The following SCRIB variants were observed in gnomAD, a reference collection of about 807,000 sequenced individuals.
SCRIB encodes the protein scribble planar cell polarity protein, also known as protein scribble homolog.
SCRIB carries 72 observed loss-of-function variants against 170.0 expected under a neutral mutation model. That is an observed-to-expected ratio of 0.42 (90% CI 0.35 to 0.52). The LOEUF is 0.52. Among genes scored for constraint, SCRIB ranks in the 20% least tolerant of loss-of-function variants. SCRIB has a pLI of 0.02. For missense variants in SCRIB, 2,475 were observed against 2,338.5 expected (o/e 1.06, Z -1.20); for synonymous variants, 1,298 against 1,044.3 (o/e 1.24, Z -4.68).
At chr8:143,798,375 A>C (rs959951132) in intron 24 of SCRIB, among the ~76,000 whole-genome samples, 22 of 152,138 alleles carry the variant, frequency 1.4e-4, no homozygotes, top group Admixed American at 7.2e-4. Context: ...CTGAGAACAC[A>C]GGATGCGGAC....
In SCRIB at chr8:143,804,750, C is replaced by T. The variant is rs149912810; in HGVS notation, c.2827G>A (p.Ala943Thr). ...CCAGCCTCCCGCTCCAACAGCAGGG[C>T]GATGGTGGGGGAGGCAGCGGTCAGC... ...SLLTAASPTI[A>T]LLLEREAGGP... The change falls in exon 21 of 37, where the codon GCC (alanine) becomes ACC (threonine). Residue 943 changes from alanine to threonine, a missense_variant. By Grantham distance (58) the Ala-to-Thr change is moderately conservative (BLOSUM62 0). Around this residue, in one of 3 missense-constraint regions of SCRIB, gnomAD observed 1,966 missense variants for 1,742.9 expected, o/e 1.13. Transcript: ENST00000356994. 1.4e-5 allele frequency: 22 copies of T among 1,603,000 alleles called. No individual in the cohort carries two copies. The highest frequency in any genetic ancestry group is 1.7e-5 in the Admixed American group (1 of 59,160).
Position 143,795,319 on chromosome 8 carries a change from A to T in SCRIB, c.3729T>A (p.Pro1243=). 6.2e-7 allele frequency: 1 copy of T among 1,612,762 alleles called. No individual in the cohort carries two copies. The highest frequency in any genetic ancestry group is 8.5e-7 in the Non-Finnish European group (1 of 1,179,868). Reference sequence around the variant, plus strand: ...CGGGCCCCCAGTGCAGGGTCTGTCCAGGCAGCTCCTTCTCCTGTGAGCAGA... The same window carrying T: ...CGGGCCCCCAGTGCAGGGTCTGTCCTGGCAGCTCCTTCTCCTGTGAGCAGA... ...PEGPGKEKEL[P]GQTLHWGPEA... The change falls in exon 26 of 37, where the codon CCT becomes CCA. Residue 1243 remains proline, a synonymous_variant. Transcript: ENST00000356994.
Position 143,805,327 on chromosome 8 carries a change from G to C in SCRIB, c.2455C>G (p.Pro819Ala). ...MRVWRERMVEPENAVTITPLR... is the reference protein window; with the variant it reads ...MRVWRERMVEAENAVTITPLR... ...GGCGTGATGGTGACCGCGTTCTCAG[G>C]CTCCACCATGCGCTCCCGCCACACT... is the stretch of plus-strand genomic sequence containing the variant. Residue 819 changes from proline (P) to alanine (A), a missense_variant, in exon 19 of 37, where the codon CCT becomes GCT. By Grantham distance (27) the Pro-to-Ala change is conservative. Coordinates refer to ENST00000356994, the MANE Select transcript of SCRIB (RefSeq NM_182706.5). The C allele has an allele frequency of 6.5e-7, 1 of 1,543,632 alleles. No individual in the cohort carries two copies. The highest frequency in any genetic ancestry group is 8.7e-7 in the Non-Finnish European group (1 of 1,150,254).
intron 9 of SCRIB, 128 bp from the exon 10 acceptor site, chr8:143,811,473 G>A (rs542380687): frequency 8.9e-6 from 7 of 789,670 alleles, no homozygotes; most frequent in Non-Finnish European, 1.4e-5. Flanking sequence ...AGCCCCTGGA[G>A]ACCGGGACAA....
chr8:143,811,999 T>C (rs1035338091), intron 9 of SCRIB, among the ~76,000 whole-genome samples: 2 of 152,116 alleles, frequency 1.3e-5, no homozygotes, highest in Non-Finnish European at 2.9e-5. Flanking sequence ...GCCTCTTCTG[T>C]AACCGCTCCC....
In SCRIB at chr8:143,791,998, A is replaced by AGGGGTGGGCGAC. The variant is rs781865703; in HGVS notation, c.4638_4649dup (p.Ser1547_Pro1550dup). The AGGGGTGGGCGAC allele has an allele frequency of 6.9e-6, 9 of 1,307,008 alleles. No individual in the cohort carries two copies. Among genetic ancestry groups the AGGGGTGGGCGAC allele is most frequent in the Non-Finnish European group, 9.2e-6 (9 of 974,414 alleles). The allele number at this position is 1,307,008 out of a possible 1,614,324, so 81.0% of individuals were successfully genotyped here. ...CTGCCCTGACCCACAGACCTTCCAC[A>AGGGGTGGGCGAC]GGGGTGGGCGACGGGGTGGGCGCAG... is the stretch of plus-strand genomic sequence containing the variant. On this transcript the variant is annotated inframe_insertion, in exon 33 of 37. Coordinates refer to ENST00000356994, the MANE Select transcript of SCRIB (RefSeq NM_182706.5).
intron 1 of SCRIB, among the ~76,000 whole-genome samples, chr8:143,814,432 C>T (rs1488715091): frequency 6.6e-6 from 1 of 152,182 alleles, no homozygotes; most frequent in Non-Finnish European, 1.5e-5. Context: ...GCCCCTGAAC[C>T]ACTTCTGCCA....
At chr8:143,801,380 G>A (rs569124927) in intron 24 of SCRIB, among the ~76,000 whole-genome samples, 1 of 152,322 alleles carries the variant, frequency 6.6e-6, no homozygotes, top group East Asian at 1.9e-4. Context: ...GGAGCTATGT[G>A]TTGTTTAAAC....
chr8:143,793,345 A>G (rs1814793447), intron 28 of SCRIB: 6 of 397,056 alleles, frequency 1.5e-5, no homozygotes, highest in Admixed American at 4.3e-5. Context: ...TTTTGTCTAA[A>G]AAAGGCAGGT....
In SCRIB at chr8:143,810,928, G is replaced by C. The variant is rs1344101145; in HGVS notation, c.1251C>G (p.Pro417=). 1 of 1,611,750 alleles carries C rather than the reference G, an allele frequency of 6.2e-7. No individual in the cohort carries two copies. Residue 417 remains proline, a synonymous_variant, in exon 11 of 37, where the codon CCC becomes CCG. Transcript: ENST00000356994. ...GEKVLTCYLL[P]QQPPPSLEDA... ...TACCGAGGCTGGGTGGGGGCTGCTG[G>C]GGCAGCAAGTAGCAGGTGAGCACCT...
rs371364075 is a variant in SCRIB, at chr8:143,804,065, G to A, written c.3101C>T (p.Pro1034Leu). The A allele has an allele frequency of 1.1e-5, 17 of 1,611,430 alleles. No individual in the cohort carries two copies. In the East Asian group the frequency reaches 1.3e-4, roughly 13 times the overall value. Residue 1034 changes from proline to leucine, a missense_variant, in exon 22 of 37, where the codon CCT (proline) becomes CTT (leucine). Pro to Leu is a moderately conservative substitution (Grantham distance 98, BLOSUM62 -3). This residue lies in a region of SCRIB where 1,966 missense variants were observed against 1,742.9 expected (regional missense o/e 1.13). Coordinates refer to ENST00000356994, the MANE Select transcript of SCRIB (RefSeq NM_182706.5). ...HSSHPFGVQE[P>L]GVFISKVLPR... ...CCCTACCTTGGAGATGAACACACCAGGCTCCTGGACACCAAACGGGTGGCT... is the reference window on the plus strand; with the variant it reads ...CCCTACCTTGGAGATGAACACACCAAGCTCCTGGACACCAAACGGGTGGCT...
Position 143,795,429 on chromosome 8 carries a change from G to A in SCRIB, c.3705C>T (p.Gly1235=). Residue 1235 remains glycine, a synonymous_variant, in exon 25 of 37, where the codon GGC becomes GGT. Coordinates refer to ENST00000356994, the MANE Select transcript of SCRIB (RefSeq NM_182706.5). ...SSIDRELSPE[G]PGKEKELPGQ... Reference sequence around the variant, plus strand: ...TGCAGGCACCTCTGACCTTGCCTGGGCCCTCAGGGCTCAGCTCCCGGTCGA... The same window carrying A: ...TGCAGGCACCTCTGACCTTGCCTGGACCCTCAGGGCTCAGCTCCCGGTCGA... 1 of 1,613,044 alleles carries A rather than the reference G, an allele frequency of 6.2e-7. No individual in the cohort carries two copies. The highest frequency in any genetic ancestry group is 8.5e-7 in the Non-Finnish European group (1 of 1,179,732).
At position 143,795,131 on chromosome 8, in the gene SCRIB, C is replaced by A. The variant is rs781790670; in HGVS notation, c.3772-19G>T. On this transcript the variant is annotated intron_variant, in intron 26 of 36. Coordinates refer to ENST00000356994, the MANE Select transcript of SCRIB (RefSeq NM_182706.5). ...CCCGACCCTGGGGGCAGAGTGAACA[C>A]AGCACTAGCAGGGGTAGCTCCGTGG... is the stretch of plus-strand genomic sequence containing the variant. 3.1e-6 allele frequency: 5 copies of A among 1,608,646 alleles called. No individual in the cohort carries two copies. In the Admixed American group the frequency reaches 8.4e-5, roughly 27 times the overall value.
In SCRIB at chr8:143,812,402, G is replaced by T; in HGVS notation, c.788-18C>A. ...CAGCTGACCTGGCGTCGGGGAGACA[G>T]GGGGACAAGGCTGAGCATGGTCCCC... On this transcript the variant is annotated intron_variant, in intron 8 of 36. Transcript: ENST00000356994. The T allele has an allele frequency of 6.4e-7, 1 of 1,568,752 alleles. No individual in the cohort carries two copies. Among genetic ancestry groups the T allele is most frequent in the Non-Finnish European group, 8.8e-7 (1 of 1,139,196 alleles).
At chr8:143,797,697 C>A (rs942641914) in intron 24 of SCRIB, among the ~76,000 whole-genome samples, 14 of 152,206 alleles carry the variant, frequency 9.2e-5, no homozygotes, top group Non-Finnish European at 1.8e-4. Context: ...TCAGACCCAG[C>A]GTGGGGGCAG....
At position 143,803,945 on chromosome 8, in the gene SCRIB, CAGGG is replaced by C; in HGVS notation, c.3121-9_3121-6del. The C allele has an allele frequency of 1.3e-6, 2 of 1,576,442 alleles. No homozygotes were observed. The highest frequency in any genetic ancestry group is 8.6e-7 in the Non-Finnish European group (1 of 1,159,538). The stretch of plus-strand genomic sequence containing the variant: ...GGCCAGGCCCCGCGGGAGCACCTGT[CAGGG>C]AGGAGGGTGGCAGCTGGTGGCTGAG... On this transcript the variant is annotated splice_polypyrimidine_tract_variant and splice_region_variant and intron_variant, in intron 22 of 36. Coordinates refer to ENST00000356994, the MANE Select transcript of SCRIB (RefSeq NM_182706.5).
At chr8:143,806,596 G>A in intron 17 of SCRIB, 112 bp from the exon 18 acceptor site, 2 of 851,938 alleles carry the variant, frequency 2.3e-6, no homozygotes, top group Non-Finnish European at 1.9e-6. Context: ...CCTAGCCCTG[G>A]CCAGCAGGAG....
At chr8:143,791,961 GA>G (rs1820118575) in intron 33 of SCRIB, 29 bp downstream of exon 33, 1 of 1,472,832 alleles carries the variant, frequency 6.8e-7, no homozygotes, top group Non-Finnish European at 9.0e-7. Context: ...GCGGCAGGCT[GA>G]CCCCCCCGAC....
At chr8:143,813,588 C>T (rs765318845) in intron 4 of SCRIB, 49 bp downstream of exon 4, 2 of 1,611,952 alleles carry the variant, frequency 1.2e-6, no homozygotes, top group Non-Finnish European at 1.7e-6. Context: ...GGGGCAGGGC[C>T]AATCCTGGTC....
Sources: gnomAD v4.1 joint callset for allele counts (sites outside exome capture counted in the v4.1 genomes callset) on GRCh38, gnomAD v4.1.1 for gene constraint, gnomAD v4.1.1 regional missense constraint, MANE v1.5 for transcripts, NCBI Gene and HGNC (gene_info 2026-07-23, HGNC 2026-07-21) for gene names.